The following EML6 variants were observed in gnomAD, a reference collection of about 807,000 sequenced individuals.
EML6 encodes EMAP like 6.
In EML6, 154 loss-of-function variants were observed where a neutral mutation model predicts 240.1. That is an observed-to-expected ratio of 0.64 (90% CI 0.56 to 0.73). The LOEUF (loss-of-function observed/expected upper bound fraction) is 0.73. EML6 is among the 30% of genes least tolerant of loss of function. EML6 has a pLI of 0.00. For synonymous variants in EML6, 1,148 were observed against 899.0 expected (o/e 1.28, Z -4.95); for missense variants, 2,964 against 2,474.6 (o/e 1.20, Z -4.20).
chr2:54,945,534 G>C (rs931602878), intron 28 of EML6, among the ~76,000 whole-genome samples: 4 of 152,106 alleles, frequency 2.6e-5, no homozygotes, highest in Admixed American at 2.6e-4. Context: ...GGAACGACTT[G>C]GTTTCTCACA....
At chr2:54,885,772 C>T (rs547611094) in intron 17 of EML6, among the ~76,000 whole-genome samples, 7 of 151,778 alleles carry the variant, frequency 4.6e-5, no homozygotes, top group East Asian at 2.0e-4. Flanking sequence ...CCACCGCGCC[C>T]GGCTAATTTT....
In EML6 at chr2:54,844,104, A is replaced by G; in HGVS notation, c.905A>G (p.Asp302Gly). 1 of 1,551,500 alleles carries G rather than the reference A, an allele frequency of 6.4e-7. No individual in the cohort carries two copies. The highest frequency in any genetic ancestry group is 8.7e-7 in the Non-Finnish European group (1 of 1,146,958). The part of the protein sequence containing the change: ...KADRLLAGTQ[D>G]SEIFEVIVRE... Reference sequence around the variant, plus strand: ...GACCGCCTTCTAGCAGGGACCCAGGACAGTGAGATATTTGAAGTGATTGTG... The same window carrying G: ...GACCGCCTTCTAGCAGGGACCCAGGGCAGTGAGATATTTGAAGTGATTGTG... The change falls in exon 8 of 42, where the codon GAC becomes GGC. Residue 302 changes from aspartate (D) to glycine (G), a missense_variant. Transcript: ENST00000356458.
intron 2 of EML6, among the ~76,000 whole-genome samples, chr2:54,777,613 T>C (rs1668658675): frequency 6.6e-6 from 1 of 152,148 alleles, no homozygotes; most frequent in Admixed American, 6.5e-5. Flanking sequence ...TCCTGTATTT[T>C]GTCATTGGCC....
chr2:54,964,234 G>T, intron 37 of EML6, 76 bp downstream of exon 37: 1 of 1,444,596 alleles, frequency 6.9e-7, no homozygotes, highest in Non-Finnish European at 9.3e-7. Flanking sequence ...TTCCAGCCAC[G>T]GCTGGAATAA....
chr2:54,924,822 C>G (rs7577808), intron 26 of EML6, among the ~76,000 whole-genome samples: 47,750 of 152,020 alleles, frequency 0.31, 7,741 homozygotes, highest in East Asian at 0.5. Flanking sequence ...CTTGGCCTCC[C>G]AAAGTGCTGG....
At chr2:54,856,441 G>C (rs1479825677) in intron 11 of EML6, among the ~76,000 whole-genome samples, 1 of 152,158 alleles carries the variant, frequency 6.6e-6, no homozygotes, top group Admixed American at 6.5e-5. Context: ...AAGTATCCAT[G>C]TCCTGATAGC....
chr2:54,780,825 T>C (rs1196772675), intron 2 of EML6, among the ~76,000 whole-genome samples: 1 of 152,230 alleles, frequency 6.6e-6, no homozygotes, highest in Non-Finnish European at 1.5e-5. Context: ...TGATTTGAAT[T>C]ATGTGACTGT....
intron 4 of EML6, among the ~76,000 whole-genome samples, chr2:54,818,220 C>T (rs1319934725): frequency 6.7e-6 from 1 of 150,132 alleles, no homozygotes; most frequent in Non-Finnish European, 1.5e-5. Flanking sequence ...AGAAAAATAG[C>T]CTAATGTAAT....
chr2:54,960,667 G>A (rs1676455115), intron 35 of EML6, among the ~76,000 whole-genome samples: 1 of 152,118 alleles, frequency 6.6e-6, no homozygotes, highest in South Asian at 2.1e-4. Flanking sequence ...TAGTATTATA[G>A]ATGATATCCT....
At chr2:54,736,306 T>G (rs1200406626) in intron 2 of EML6, among the ~76,000 whole-genome samples, 1 of 152,244 alleles carries the variant, frequency 6.6e-6, no homozygotes, top group Non-Finnish European at 1.5e-5. Context: ...GATTCCTTTC[T>G]CCTCTTTTCC....
chr2:54,919,336 A>G (rs1009148297), intron 26 of EML6, among the ~76,000 whole-genome samples: 2 of 149,584 alleles, frequency 1.3e-5, no homozygotes, highest in Non-Finnish European at 3.0e-5. Flanking sequence ...TTTGTATTCA[A>G]TCTCAATTAT....
At chr2:54,796,178 T>G (rs765897696) in intron 2 of EML6, among the ~76,000 whole-genome samples, 2 of 152,214 alleles carry the variant, frequency 1.3e-5, no homozygotes, top group African/African-American at 2.4e-5. Flanking sequence ...ATCATATCTA[T>G]CTATGACATC....
chr2:54,965,217 C>G (rs777363321), intron 38 of EML6, among the ~76,000 whole-genome samples: 6 of 152,320 alleles, frequency 3.9e-5, no homozygotes, highest in Non-Finnish European at 5.9e-5. Flanking sequence ...GAGGGTTCCA[C>G]TGCTGGGACT....
Position 54,844,102 on chromosome 2 carries a change from G to C in EML6, c.903G>C (p.Gln301His). Residue 301 changes from glutamine (Q) to histidine (H), a missense_variant, in exon 8 of 42, where the codon CAG (glutamine) becomes CAC (histidine). Transcript: ENST00000356458. ...CAGACCGCCTTCTAGCAGGGACCCA[G>C]GACAGTGAGATATTTGAAGTGATTG... is the stretch of plus-strand genomic sequence containing the variant. Reference protein sequence around the residue: ...WKADRLLAGTQDSEIFEVIVR... With the variant: ...WKADRLLAGTHDSEIFEVIVR... The C allele has an allele frequency of 1.3e-6, 2 of 1,551,416 alleles. No individual in the cohort carries two copies. Among genetic ancestry groups the C allele is most frequent in the Non-Finnish European group, 1.7e-6 (2 of 1,146,880 alleles).
intron 26 of EML6, among the ~76,000 whole-genome samples, chr2:54,920,744 G>A (rs1674202291): frequency 6.6e-6 from 1 of 152,068 alleles, no homozygotes; most frequent in African/African-American, 2.4e-5. Flanking sequence ...GATGAATATA[G>A]GTGCAAAAAT....
chr2:54,828,039 C>T (rs111335759), intron 6 of EML6, among the ~76,000 whole-genome samples: 10 of 152,346 alleles, frequency 6.6e-5, no homozygotes, highest in African/African-American at 2.4e-4. Flanking sequence ...ATAGGCACTT[C>T]TCAAACTTTA....
At chr2:54,800,862 T>C (rs1040049463) in intron 2 of EML6, among the ~76,000 whole-genome samples, 43 of 152,142 alleles carry the variant, frequency 2.8e-4, no homozygotes, top group African/African-American at 5.1e-4. Flanking sequence ...TAGACTCTTA[T>C]TGGGGATTAA....
At chr2:54,818,626 T>C (rs1668186254) in intron 4 of EML6, among the ~76,000 whole-genome samples, 2 of 152,370 alleles carry the variant, frequency 1.3e-5, no homozygotes, top group Admixed American at 1.3e-4. Flanking sequence ...GTTAAAACTT[T>C]AGATAAATTG....
chr2:54,909,221 A>G (rs377673597), intron 24 of EML6, among the ~76,000 whole-genome samples: 2 of 152,236 alleles, frequency 1.3e-5, no homozygotes, highest in African/African-American at 2.4e-5. Flanking sequence ...GTCATTTGCA[A>G]TCACTCTTGA....
Sources: gnomAD v4.1 joint callset for allele counts (sites outside exome capture counted in the v4.1 genomes callset) on GRCh38, gnomAD v4.1.1 for gene constraint, MANE v1.5 for transcripts, NCBI Gene and HGNC (gene_info 2026-07-23, HGNC 2026-07-21) for gene names.